The following PRKX variants were observed in gnomAD, a reference collection of about 807,000 sequenced individuals.
PRKX encodes protein kinase cAMP-dependent X-linked catalytic subunit, also known as cAMP-dependent protein kinase catalytic subunit PRKX.
Under a neutral mutation model 22.0 loss-of-function variants are expected in PRKX, and 12 were observed. That is an observed-to-expected ratio of 0.54 (90% CI 0.35 to 0.88). PRKX has a LOEUF of 0.88. Among genes scored for constraint, PRKX ranks in the 40% least tolerant of loss-of-function variants. PRKX has a pLI of 0.01. For synonymous variants in PRKX, 134 were observed against 137.7 expected, an observed-to-expected ratio of 0.97 and a Z score of 0.19; for missense variants, 217 against 308.0, an observed-to-expected ratio of 0.70 and a Z score of 2.21.
At chrX:3,633,939 G>A (rs770333704) in intron 4 of PRKX, among the ~76,000 whole-genome samples, 1 of 111,730 alleles carries the variant, frequency 9.0e-6, no homozygotes, top group East Asian at 2.8e-4. Flanking sequence ...TCCTTGTCCC[G>A]ATACCTTCAG....
chrX:3,708,218 G>T (rs1201794462), intron 1 of PRKX, among the ~76,000 whole-genome samples: 1 of 111,299 alleles, frequency 9.0e-6, no homozygotes, highest in Non-Finnish European at 1.9e-5. Context: ...CAGCGAGAAG[G>T]CACCATCTAT....
intron 2 of PRKX, chrX:3,659,528 G>A (rs1927545997): frequency 9.1e-6 from 1 of 109,875 alleles, no homozygotes; most frequent in Non-Finnish European, 1.9e-5. Context: ...AGGGAGCTCA[G>A]GAAGCTCAGG....
chrX:3,620,201 T>C (rs1046232134), intron 6 of PRKX, among the ~76,000 whole-genome samples: 1 of 111,676 alleles, frequency 9.0e-6, no homozygotes, highest in Non-Finnish European at 1.9e-5. Context: ...CATCCATAGA[T>C]GAATGGATAA....
chrX:3,622,334 TATA>T (rs766634418), intron 5 of PRKX, among the ~76,000 whole-genome samples: 2 of 111,179 alleles, frequency 1.8e-5, no homozygotes, highest in Admixed American at 9.7e-5. Flanking sequence ...GTACATTATG[TATA>T]ATAACATACA....
Position 3,604,668 on chromosome X carries a change from T to C in PRKX, c.*4301A>G, listed in dbSNP as rs1444173679. ...GGGCCCCAGAAGCACGTTGGCAACATGGTGAGGCTGCCCAGTGTTCAGCGC... is the reference window on the plus strand; with the variant it reads ...GGGCCCCAGAAGCACGTTGGCAACACGGTGAGGCTGCCCAGTGTTCAGCGC... On this transcript the variant is annotated 3_prime_UTR_variant, in exon 9 of 9. Coordinates refer to ENST00000262848, the MANE Select transcript of PRKX (RefSeq NM_005044.5). 1 of 112,006 alleles carries C rather than the reference T, an allele frequency of 8.9e-6. No homozygotes were observed. The highest frequency in any genetic ancestry group is 2.8e-4 in the East Asian group (1 of 3,512). The allele number at this position is 112,006 out of a possible 1,213,427, so 9.2% of individuals were successfully genotyped here.
intron 2 of PRKX, among the ~76,000 whole-genome samples, chrX:3,665,079 G>T (rs1927692032): frequency 8.9e-6 from 1 of 112,288 alleles, no homozygotes; most frequent in Admixed American, 9.4e-5. Flanking sequence ...GGCCAAAACT[G>T]CACGGGGCGC....
chrX:3,665,129 TGTGTGTGTGCACGTGCAC>T (rs922912491), intron 2 of PRKX, among the ~76,000 whole-genome samples: 2 of 111,038 alleles, frequency 1.8e-5, no homozygotes, highest in South Asian at 7.4e-4. Context: ...TGTGCGTGCA[TGTGTGTGTGCACGTGCAC>T]GTGTGTGTGC....
intron 3 of PRKX, among the ~76,000 whole-genome samples, chrX:3,642,782 T>C (rs895020666): frequency 3.7e-5 from 4 of 109,143 alleles, no homozygotes; most frequent in African/African-American, 6.7e-5. Flanking sequence ...GCAGATTACT[T>C]GAGGCCAGGA....
In PRKX at chrX:3,633,263, A is replaced by C. The variant is rs189794004; in HGVS notation, c.720-6749T>G. 4.8e-3 allele frequency among the ~76,000 whole-genome samples: 511 copies of C among 106,836 alleles called. 1 individual carries two copies. Among genetic ancestry groups the C allele is most frequent in the Middle Eastern group, 0.02 (4 of 202 alleles). 92.8% of individuals were successfully genotyped at this position (106,836 alleles called of 115,157 possible). A position where few individuals can be genotyped will look rare whatever the true frequency, so the allele number is the denominator to read the frequency against. On this transcript the variant is annotated intron_variant, in intron 4 of 8. Coordinates refer to ENST00000262848, the MANE Select transcript of PRKX (RefSeq NM_005044.5). ...CAAGACCCTGTCTCAAAAGAAAAAA[A>C]AAAAAAACAAAAAAAACGCTCATGC...
intron 3 of PRKX, among the ~76,000 whole-genome samples, chrX:3,648,655 T>A (rs1203472200): frequency 5.3e-4 from 54 of 101,096 alleles, no homozygotes; most frequent in African/African-American, 1.5e-3. Flanking sequence ...TGTGTGTGTG[T>A]GTGAAAGGGG....
Position 3,684,490 on chromosome X carries a change from G to C in PRKX, c.167-9724C>G, listed in dbSNP as rs7055418. ...GAAAAAAAAAATCTAGTGGCTAAAC[G>C]TAAATGAAAAAAAGTACCTATTAAT... On this transcript the variant is annotated intron_variant, in intron 1 of 8. Transcript: ENST00000262848. 6.3e-5 allele frequency among the ~76,000 whole-genome samples: 7 copies of C among 110,745 alleles called. No individual in the cohort carries two copies. In the East Asian group the frequency reaches 1.4e-3, roughly 23 times the overall value.
chrX:3,623,337 G>A (rs1376674054), intron 5 of PRKX, among the ~76,000 whole-genome samples: 3 of 110,761 alleles, frequency 2.7e-5, no homozygotes, highest in Admixed American at 9.7e-5. Flanking sequence ...GGAAGACCAC[G>A]TGAGACCAAG....
intron 2 of PRKX, among the ~76,000 whole-genome samples, chrX:3,662,105 G>C (rs1440031749): frequency 9.0e-6 from 1 of 111,640 alleles, no homozygotes; most frequent in Non-Finnish European, 1.9e-5. Flanking sequence ...TCTTGTGACT[G>C]TCATGAGCTT....
At chrX:3,661,711 T>C (rs1181777229) in intron 2 of PRKX, among the ~76,000 whole-genome samples, 1 of 111,915 alleles carries the variant, frequency 8.9e-6, no homozygotes, top group Admixed American at 9.5e-5. Context: ...CCAAAAAACA[T>C]TCACAAAACT....
chrX:3,687,690 A>G (rs974004153), intron 1 of PRKX, among the ~76,000 whole-genome samples: 3 of 111,230 alleles, frequency 2.7e-5, no homozygotes, highest in Non-Finnish European at 3.8e-5. Flanking sequence ...GGGGCTAAAA[A>G]AAAACAGGAT....
At chrX:3,637,002 A>G (rs1227636492) in intron 4 of PRKX, among the ~76,000 whole-genome samples, 1 of 103,023 alleles carries the variant, frequency 9.7e-6, no homozygotes, top group African/African-American at 3.6e-5. Context: ...GAAAGGGGAA[A>G]GGAAGAGGGA....
At chrX:3,648,482 T>G (rs1414997667) in intron 3 of PRKX, among the ~76,000 whole-genome samples, 1 of 109,650 alleles carries the variant, frequency 9.1e-6, no homozygotes, top group East Asian at 2.8e-4. Flanking sequence ...AAAGTGCACC[T>G]GCTTTAAAAT....
At chrX:3,638,276 G>C (rs1204742508) in intron 4 of PRKX, among the ~76,000 whole-genome samples, 1 of 73,997 alleles carries the variant, frequency 1.4e-5, no homozygotes, top group East Asian at 5.8e-4. Context: ...CGTACCCTGA[G>C]ACTAATATTG....
At chrX:3,681,336 T>C (rs1444857260) in intron 1 of PRKX, among the ~76,000 whole-genome samples, 11 of 108,650 alleles carry the variant, frequency 1.0e-4, no homozygotes, top group African/African-American at 3.0e-4. Flanking sequence ...CAGGGCAACA[T>C]AGTGAGACCC....
Sources: allele counts gnomAD v4.1 joint callset (sites outside exome capture counted in the v4.1 genomes callset), GRCh38; gene constraint gnomAD v4.1.1; transcripts MANE v1.5; gene names NCBI Gene and HGNC (gene_info 2026-07-23, HGNC 2026-07-21).